The following AP1S3 variants were observed in gnomAD, a reference collection of about 807,000 sequenced individuals.
The protein encoded by AP1S3 is adaptor related protein complex 1 subunit sigma 3, also known as AP-1 complex subunit sigma-3.
In AP1S3, 10 loss-of-function variants were observed where a neutral mutation model predicts 20.9. The observed-to-expected ratio is 0.48, with a 90% CI of 0.29 to 0.81. The LOEUF is 0.81. AP1S3 is among the 30% of genes least tolerant of loss of function. The pLI is 0.08. For missense variants in AP1S3, 154 were observed against 183.8 expected (o/e 0.84, Z 0.94); for synonymous variants, 41 against 61.5 (o/e 0.67, Z 1.56).
At position 223,758,433 on chromosome 2, in the gene AP1S3, T is replaced by C; in HGVS notation, c.*282A>G. 1.8e-6 allele frequency: 2 copies of C among 1,131,772 alleles called. No individual in the cohort carries two copies. Among genetic ancestry groups the C allele is most frequent in the Non-Finnish European group, 2.2e-6 (2 of 925,440 alleles). 70.1% of individuals were successfully genotyped at this position (1,131,772 alleles called of 1,614,324 possible). A position where few individuals can be genotyped will look rare whatever the true frequency, so the allele number is the denominator to read the frequency against. ...GCTTAAAAACATAACATGGAGTTAA[T>C]ACATTACAAATATTGTCTGTTGGGT... On this transcript the variant is annotated 3_prime_UTR_variant, in exon 5 of 5. Coordinates refer to ENST00000396654, the MANE Select transcript of AP1S3 (RefSeq NM_001039569.2).
At chr2:223,811,405 T>C (rs1691723104) in intron 1 of AP1S3, among the ~76,000 whole-genome samples, 1 of 151,690 alleles carries the variant, frequency 6.6e-6, no homozygotes, top group African/African-American at 2.4e-5. Context: ...CCTTCTCTAC[T>C]AAAAATACAA....
In AP1S3 at chr2:223,758,688, T is replaced by C. The variant is rs951632228; in HGVS notation, c.*27A>G. On this transcript the variant is annotated 3_prime_UTR_variant, in exon 5 of 5. Coordinates refer to ENST00000396654, the MANE Select transcript of AP1S3 (RefSeq NM_001039569.2). ...TTATTTACAGCTTCATAACATGTAG[T>C]GCTGGAGTCTTCAAGTAGATTTCCA... 5.0e-6 allele frequency: 8 copies of C among 1,605,034 alleles called. No individual in the cohort carries two copies. Among genetic ancestry groups the C allele is most frequent in the East Asian group, 4.5e-5 (2 of 44,594 alleles).
intron 3 of AP1S3, among the ~76,000 whole-genome samples, chr2:223,771,997 C>G (rs1014839555): frequency 1.3e-5 from 2 of 152,140 alleles, no homozygotes; most frequent in Non-Finnish European, 1.5e-5. Context: ...ATCCCAGCTA[C>G]TAGGGAGGCT....
chr2:223,771,570 T>C (rs1156561374), intron 3 of AP1S3, among the ~76,000 whole-genome samples: 3 of 152,228 alleles, frequency 2.0e-5, no homozygotes, highest in Non-Finnish European at 4.4e-5. Context: ...CATTTAACTT[T>C]ATCTTCAATG....
intron 3 of AP1S3, among the ~76,000 whole-genome samples, chr2:223,769,448 G>A (rs1007737571): frequency 2.6e-5 from 4 of 152,198 alleles, no homozygotes; most frequent in African/African-American, 9.7e-5. Context: ...TAGTGAGACT[G>A]TACATCTTAT....
chr2:223,828,916 C>G (rs1481733850), intron 1 of AP1S3, among the ~76,000 whole-genome samples: 3 of 152,212 alleles, frequency 2.0e-5, no homozygotes, highest in African/African-American at 7.2e-5. Context: ...GATCTCGGCT[C>G]ACTGCAACCT....
intron 1 of AP1S3, among the ~76,000 whole-genome samples, chr2:223,819,564 G>A (rs1691937467): frequency 6.6e-6 from 1 of 150,992 alleles, no homozygotes; most frequent in African/African-American, 2.4e-5. Flanking sequence ...TCTTTCAAGG[G>A]TGTTACAAAA....
chr2:223,806,277 ATTTTT>A (rs144953846), intron 1 of AP1S3, among the ~76,000 whole-genome samples: 2,596 of 111,044 alleles, frequency 0.023, 63 homozygotes, highest in African/African-American at 0.084. Context: ...AAACAAAGGA[ATTTTT>A]TTTTTTTTTT....
chr2:223,764,927 C>A (rs1690441025), intron 4 of AP1S3, among the ~76,000 whole-genome samples: 1 of 152,110 alleles, frequency 6.6e-6, no homozygotes, highest in African/African-American at 2.4e-5. Context: ...AATCTCTATG[C>A]CACACTTCCT....
intron 1 of AP1S3, among the ~76,000 whole-genome samples, chr2:223,822,307 G>C (rs1692008220): frequency 6.6e-6 from 1 of 152,120 alleles, no homozygotes; most frequent in Admixed American, 6.6e-5. Context: ...CAAGAGGATT[G>C]CTTGAGCGCA....
chr2:223,801,360 C>T (rs1454718109), intron 1 of AP1S3, among the ~76,000 whole-genome samples: 3 of 152,188 alleles, frequency 2.0e-5, no homozygotes, highest in African/African-American at 7.2e-5. Flanking sequence ...CCTCCTTGAG[C>T]AGAAAGCAAA....
chr2:223,760,098 A>G lies in AP1S3; in HGVS notation c.430-1348T>C, dbSNP rs138566597. On this transcript the variant is annotated intron_variant, in intron 4 of 4. Coordinates refer to ENST00000396654, the MANE Select transcript of AP1S3 (RefSeq NM_001039569.2). ...TTAACAGTGATGTTCCAGGTTCTAT[A>G]CCATGCAAGACAGATGGGCTTTCTC... Among the ~76,000 whole-genome samples, 106 of 152,236 alleles carry G rather than the reference A, an allele frequency of 7.0e-4. No homozygotes were observed. In the East Asian group the frequency reaches 0.013, roughly 19 times the overall value.
At chr2:223,780,539 A>G (rs1690920534) in intron 1 of AP1S3, among the ~76,000 whole-genome samples, 1 of 151,012 alleles carries the variant, frequency 6.6e-6, no homozygotes, top group Non-Finnish European at 1.5e-5. Flanking sequence ...GATTCCCCCC[A>G]CCTTGGCCTC....
chr2:223,802,345 C>T (rs570289248), intron 1 of AP1S3, among the ~76,000 whole-genome samples: 79 of 151,484 alleles, frequency 5.2e-4, no homozygotes, highest in African/African-American at 1.8e-3. Flanking sequence ...CTGTTTTGCC[C>T]AGGCTGGAGT....
rs556288298 is a variant in AP1S3 at position 223,831,909 on chromosome 2, C to T, written c.3+5539G>A. On this transcript the variant is annotated intron_variant, in intron 1 of 4. Coordinates refer to ENST00000396654, the MANE Select transcript of AP1S3 (RefSeq NM_001039569.2). Reference sequence around the variant, plus strand: ...GGCTAACACGGTGAAACCCCATCTCCATTAAAAATACAAAAAAATTAGCTG... The same window carrying T: ...GGCTAACACGGTGAAACCCCATCTCTATTAAAAATACAAAAAAATTAGCTG... 2.0e-5 allele frequency among the ~76,000 whole-genome samples: 3 copies of T among 151,956 alleles called. No homozygotes were observed. In the South Asian group the frequency reaches 6.2e-4, roughly 32 times the overall value.
chr2:223,761,294 A>G (rs1414273974), intron 4 of AP1S3, among the ~76,000 whole-genome samples: 1 of 152,116 alleles, frequency 6.6e-6, no homozygotes. Context: ...TTCCTACTGC[A>G]TTGTGGTTTG....
intron 2 of AP1S3, chr2:223,776,300 GTGTCTTCACACCCCTCTCCAGCT>G: frequency 9.0e-6 from 4 of 442,638 alleles, no homozygotes; most frequent in South Asian, 3.9e-5. Context: ...GGTAATCAGG[GTGTCTTCACACCCCTCTCCAGCT>G]TGTCAATTGT....
At chr2:223,763,806 C>G (rs1042985579) in intron 4 of AP1S3, among the ~76,000 whole-genome samples, 24 of 152,280 alleles carry the variant, frequency 1.6e-4, no homozygotes, top group African/African-American at 5.5e-4. Flanking sequence ...AAGTAATCAG[C>G]CTAAAGATGC....
intron 1 of AP1S3, among the ~76,000 whole-genome samples, chr2:223,805,899 C>T (rs1380079280): frequency 6.6e-6 from 1 of 152,084 alleles, no homozygotes; most frequent in Non-Finnish European, 1.5e-5. Flanking sequence ...GCTGAGTATA[C>T]CAGAAACCTC....
Sources: allele counts gnomAD v4.1 joint callset (sites outside exome capture counted in the v4.1 genomes callset), GRCh38; gene constraint gnomAD v4.1.1; transcripts MANE v1.5; gene names NCBI Gene and HGNC (gene_info 2026-07-23, HGNC 2026-07-21).